BOK: variants seen among roughly 807,000 people sequenced by gnomAD.
BOK encodes bcl-2-related ovarian killer protein.
BOK carries 20 observed loss-of-function variants against 18.3 expected under a neutral mutation model. That is an observed-to-expected ratio of 1.09 (90% CI 0.77 to 1.59). The LOEUF (loss-of-function observed/expected upper bound fraction) is 1.59, where lower values mean the gene tolerates loss of function less well. BOK is among the 40% of genes most tolerant of loss of function. The pLI is 0.00. For synonymous variants in BOK, 173 were observed against 142.4 expected, an observed-to-expected ratio of 1.21 and a Z score of -1.53; for missense variants, 348 against 307.9, an observed-to-expected ratio of 1.13 and a Z score of -0.97.
chr2:241,558,096 T>A (rs1236143833), upstream of BOK, among the ~76,000 whole-genome samples: 5 of 80,082 alleles, frequency 6.2e-5, no homozygotes, highest in Non-Finnish European at 1.3e-4. Flanking sequence ...CTGATTTATG[T>A]TGAGATGTTG....
At position 241,569,185 on chromosome 2, in the gene BOK, T is replaced by C. The variant is rs575515954; in HGVS notation, c.350-940T>C. ...TCGCTCTGTCGCCCAGGCTGGAGTG[T>C]ACTGGCGCGATCTCAGCTCACTGCA... On this transcript the variant is annotated intron_variant, in intron 3 of 4. Coordinates refer to ENST00000318407, the MANE Select transcript of BOK (RefSeq NM_032515.5). 5.5e-4 allele frequency among the ~76,000 whole-genome samples: 84 copies of C among 152,304 alleles called. No individual in the cohort carries two copies. In the East Asian group the frequency reaches 0.014, roughly 26 times the overall value.
chr2:241,563,779 C>T (rs759371341), intron 3 of BOK, among the ~76,000 whole-genome samples: 9 of 152,216 alleles, frequency 5.9e-5, no homozygotes, highest in Non-Finnish European at 8.8e-5. Context: ...GCCACACCCT[C>T]GCTGTGGGAG....
upstream of BOK, among the ~76,000 whole-genome samples, chr2:241,557,936 ATAAG>A (rs1224326848): frequency 1.3e-5 from 2 of 152,156 alleles, no homozygotes; most frequent in Non-Finnish European, 1.5e-5. Flanking sequence ...CATGGGAAGA[ATAAG>A]TATTTTATAG....
chr2:241,559,686 C>G lies in BOK; in HGVS notation c.203C>G (p.Ala68Gly), dbSNP rs1188438539. 1.5e-6 allele frequency: 2 copies of G among 1,348,062 alleles called. No individual in the cohort carries two copies. The highest frequency in any genetic ancestry group is 3.1e-5 in the African/African-American group (2 of 65,182). 83.5% of individuals were successfully genotyped at this position (1,348,062 alleles called of 1,614,324 possible). ...PVPGRLAEVC[A>G]VLLRLGDELE... ...CCGGGACGCCTGGCTGAGGTGTGCG[C>G]GGTGCTGCTGCGCCTGGGTGAGTGC... The change falls in exon 2 of 5, where the codon GCG becomes GGG. Residue 68 changes from alanine (A) to glycine (G), a missense_variant. Ala to Gly is a moderately conservative substitution (Grantham distance 60). Coordinates refer to ENST00000318407, the MANE Select transcript of BOK (RefSeq NM_032515.5).
chr2:241,560,471 A>C (rs771496316), intron 2 of BOK, among the ~76,000 whole-genome samples: 6 of 152,220 alleles, frequency 3.9e-5, no homozygotes, highest in Non-Finnish European at 8.8e-5. Context: ...GTCGGAGGGC[A>C]CGACCCCGTG....
Position 241,562,498 on chromosome 2 carries a change from C to T in BOK, c.349+22C>T, listed in dbSNP as rs1400528317. ...GCAGGTATGCCCAGCCTGCCCGTCC[C>T]ATGGGACCTCAGGGAGGGATCCAGG... On this transcript the variant is annotated intron_variant, in intron 3 of 4. Coordinates refer to ENST00000318407, the MANE Select transcript of BOK (RefSeq NM_032515.5). The surrounding 1 kb of genome is among the most constrained non-coding windows in gnomAD (Gnocchi z 4.5). 3.1e-6 allele frequency: 5 copies of T among 1,594,704 alleles called. No individual in the cohort carries two copies. The African/African-American group carries it at 4.0e-5, about 13-fold the overall frequency.
Position 241,567,902 on chromosome 2 carries a change from C to T in BOK, c.350-2223C>T, listed in dbSNP as rs1248573477. Among the ~76,000 whole-genome samples the T allele has an allele frequency of 2.6e-5, 2 of 77,310 alleles. 1 individual carries two copies. Among genetic ancestry groups the T allele is most frequent in the Non-Finnish European group, 5.2e-5 (2 of 38,100 alleles). The allele number at this position is 77,310 out of a possible 152,430, so 50.7% of individuals were successfully genotyped here. A position where few individuals can be genotyped will look rare whatever the true frequency, so the allele number is the denominator to read the frequency against. On this transcript the variant is annotated intron_variant, in intron 3 of 4. Coordinates refer to ENST00000318407, the MANE Select transcript of BOK (RefSeq NM_032515.5). The stretch of plus-strand genomic sequence containing the variant: ...GCTACTAGTCTCAGGAGGTCTTTAT[C>T]ACCCCAGAATGCCTGTGCCCGTGGC...
chr2:241,565,200 G>T (rs573232093), intron 3 of BOK, among the ~76,000 whole-genome samples: 108 of 149,370 alleles, frequency 7.2e-4, no homozygotes, highest in African/African-American at 2.5e-3. Flanking sequence ...CCCACCCAGC[G>T]CCCCAGGCTT....
In BOK at chr2:241,562,003, G is replaced by A. The variant is rs982701160; in HGVS notation, c.221-345G>A. Among the ~76,000 whole-genome samples the A allele has an allele frequency of 3.9e-5, 6 of 152,348 alleles. No individual in the cohort carries two copies. The East Asian group carries it at 5.8e-4, about 15-fold the overall frequency. Reference sequence around the variant, plus strand: ...TGGTCCCTCCTGCTCTGGGCAGCTCGGCTGCCTGTCGGCTGTGAGTCACCA... The same window carrying A: ...TGGTCCCTCCTGCTCTGGGCAGCTCAGCTGCCTGTCGGCTGTGAGTCACCA... On this transcript the variant is annotated intron_variant, in intron 2 of 4. Coordinates refer to ENST00000318407, the MANE Select transcript of BOK (RefSeq NM_032515.5). The surrounding 1 kb of genome is among the most constrained non-coding windows in gnomAD (Gnocchi z 4.5).
chr2:241,559,440 C>G lies in BOK; in HGVS notation c.-29-15C>G. The G allele has an allele frequency of 7.3e-7, 1 of 1,370,334 alleles. No individual in the cohort carries two copies. The highest frequency in any genetic ancestry group is 9.4e-7 in the Non-Finnish European group (1 of 1,063,068). 84.9% of individuals were successfully genotyped at this position (1,370,334 alleles called of 1,614,324 possible). A position where few individuals can be genotyped will look rare whatever the true frequency, so the allele number is the denominator to read the frequency against. ...CGCCGCCTCCCTCCACCCGGCTGAG[C>G]GCTTGTGCCCGCAGGTGCGGCGCCC... is the stretch of plus-strand genomic sequence containing the variant. On this transcript the variant is annotated splice_polypyrimidine_tract_variant and intron_variant, in intron 1 of 4. Coordinates refer to ENST00000318407, the MANE Select transcript of BOK (RefSeq NM_032515.5).
chr2:241,572,182 AT>A, intron 4 of BOK, 114 bp from the exon 5 acceptor site: 1 of 1,466,444 alleles, frequency 6.8e-7, no homozygotes, highest in East Asian at 2.4e-5. Flanking sequence ...AGTCTCCTGC[AT>A]TCCCTTCATG....
In BOK at chr2:241,559,470, C is replaced by G. The variant is rs771747908; in HGVS notation, c.-14C>G. 2.1e-6 allele frequency: 3 copies of G among 1,451,696 alleles called. No individual in the cohort carries two copies. In the African/African-American group the frequency reaches 4.4e-5, roughly 21 times the overall value. 89.9% of individuals were successfully genotyped at this position (1,451,696 alleles called of 1,614,324 possible). A position where few individuals can be genotyped will look rare whatever the true frequency, so the allele number is the denominator to read the frequency against. ...GTGCCCGCAGGTGCGGCGCCCCCCA[C>G]CCGCGTCGCCGCCATGGAGGTGCTG... is the stretch of plus-strand genomic sequence containing the variant. On this transcript the variant is annotated 5_prime_UTR_variant, in exon 2 of 5. Transcript: ENST00000318407.
At chr2:241,569,852 T>TG (rs1478442105) in intron 3 of BOK, among the ~76,000 whole-genome samples, 5 of 152,210 alleles carry the variant, frequency 3.3e-5, no homozygotes, top group Admixed American at 6.5e-5. Flanking sequence ...CTCCATCTGC[T>TG]GCTGCCCTCA....
Position 241,572,452 on chromosome 2 carries a change from G to A in BOK, c.*30G>A. The stretch of plus-strand genomic sequence containing the variant: ...CCCACCTGGCAGTGGCCGCAGCCTG[G>A]CCCTCTGGGCCCAACGCAGGAGGCC... On this transcript the variant is annotated 3_prime_UTR_variant, in exon 5 of 5. Transcript: ENST00000318407. The A allele has an allele frequency of 1.9e-6, 3 of 1,583,714 alleles. No individual in the cohort carries two copies. The highest frequency in any genetic ancestry group is 2.6e-6 in the Non-Finnish European group (3 of 1,172,280).
chr2:241,569,170 G>T (rs574133540), intron 3 of BOK, among the ~76,000 whole-genome samples: 1 of 152,150 alleles, frequency 6.6e-6, no homozygotes, highest in Non-Finnish European at 1.5e-5. Context: ...TCGCTCTGTC[G>T]CCCAGGCTGG....
rs1344392338 is a variant in BOK, at chr2:241,574,061, A to T, written c.*1639A>T. On this transcript the variant is annotated 3_prime_UTR_variant, in exon 5 of 5. Transcript: ENST00000318407. ...CCGGCGGAAAGCCAGCCCCGGACTC[A>T]TCGTGACATTGAGATCCCACTGGAG... 1 of 152,288 alleles carries T rather than the reference A, an allele frequency of 6.6e-6. No homozygotes were observed. Among genetic ancestry groups the T allele is most frequent in the Non-Finnish European group, 1.5e-5 (1 of 68,068 alleles). The allele number at this position is 152,288 out of a possible 1,614,324, so 9.4% of individuals were successfully genotyped here.
chr2:241,560,399 G>A, intron 2 of BOK: 2 of 658,610 alleles, frequency 3.0e-6, no homozygotes, highest in Non-Finnish European at 1.9e-6. Context: ...GGCTGAGCCC[G>A]GGAAGGGGAG....
rs2066545717 is a variant in BOK, at chr2:241,562,511, G to A, written c.349+35G>A. On this transcript the variant is annotated intron_variant, in intron 3 of 4. Coordinates refer to ENST00000318407, the MANE Select transcript of BOK (RefSeq NM_032515.5). This position sits in a 1 kb window ranked among gnomAD's most constrained non-coding sequence, Gnocchi z 4.5. ...GCCTGCCCGTCCCATGGGACCTCAGGGAGGGATCCAGGGTCTGTGGCTCAG... is the reference window on the plus strand; with the variant it reads ...GCCTGCCCGTCCCATGGGACCTCAGAGAGGGATCCAGGGTCTGTGGCTCAG... The A allele has an allele frequency of 6.3e-7, 1 of 1,585,826 alleles. No homozygotes were observed. The highest frequency in any genetic ancestry group is 1.3e-5 in the African/African-American group (1 of 74,442).
rs376881909 is a variant in BOK at position 241,572,467 on chromosome 2, C to T, written c.*45C>T. On this transcript the variant is annotated 3_prime_UTR_variant, in exon 5 of 5. Transcript: ENST00000318407. ...CCGCAGCCTGGCCCTCTGGGCCCAA[C>T]GCAGGAGGCCCTCAGCACCCGAACA... 3.3e-5 allele frequency: 52 copies of T among 1,572,774 alleles called. No homozygotes were observed. The highest frequency in any genetic ancestry group is 5.3e-5 in the Admixed American group (3 of 56,344).
Sources: allele counts gnomAD v4.1 joint callset (sites outside exome capture counted in the v4.1 genomes callset), GRCh38; gene constraint gnomAD v4.1.1; non-coding constraint Gnocchi (gnomAD v3.1); transcripts MANE v1.5; gene names NCBI Gene and HGNC (gene_info 2026-07-23, HGNC 2026-07-21).